Variants in BMP7 observed in about 807,000 individuals in gnomAD.
The protein encoded by BMP7 is osteogenic protein 1.
Under a neutral mutation model 41.2 loss-of-function variants are expected in BMP7, and 12 were observed. The observed-to-expected ratio is 0.29, with a 90% confidence interval of 0.19 to 0.47. The LOEUF (loss-of-function observed/expected upper bound fraction) is 0.47, where lower values mean the gene tolerates loss of function less well. Ranked by LOEUF, BMP7 falls within the 20% of genes least tolerant of loss-of-function variation. The pLI, the probability that BMP7 is intolerant of heterozygous loss-of-function variation, is 0.99. For missense variants in BMP7, 467 were observed against 606.0 expected, an observed-to-expected ratio of 0.77 and a Z score of 2.41; for synonymous variants, 248 against 250.0, an observed-to-expected ratio of 0.99 and a Z score of 0.07.
At chr20:57,195,724 T>C (rs1984476705) in intron 3 of BMP7, among the ~76,000 whole-genome samples, 1 of 152,238 alleles carries the variant, frequency 6.6e-6, no homozygotes, top group South Asian at 2.1e-4. Context: ...GGACAGCACA[T>C]GCCCTTCAAT....
rs2066017432 is a variant in BMP7 at position 57,228,652 on chromosome 20, T to C, written c.419-231A>G. On this transcript the variant is annotated intron_variant, in intron 1 of 6. Transcript: ENST00000395863. This position sits in a 1 kb window ranked among gnomAD's most constrained non-coding sequence, Gnocchi z 4.5. ...TGAACGACAAGAGCATGATTCTGCA[T>C]CCAACCTGCTGGGAAAAGTAGGGCA... Among the ~76,000 whole-genome samples, 1 of 152,150 alleles carries C rather than the reference T, an allele frequency of 6.6e-6. No individual in the cohort carries two copies. The highest frequency in any genetic ancestry group is 1.5e-5 in the Non-Finnish European group (1 of 68,024).
rs1983745446 is a variant in BMP7, at chr20:57,168,868, C to T, written c.*2091G>A. On this transcript the variant is annotated 3_prime_UTR_variant, in exon 7 of 7. Coordinates refer to ENST00000395863, the MANE Select transcript of BMP7 (RefSeq NM_001719.3). The stretch of plus-strand genomic sequence containing the variant: ...AACAGCTGTGAGTACATTGGTCCAA[C>T]CATTAATAAATAGTCTTAAATAAGA... 2 of 150,968 alleles carry T rather than the reference C, an allele frequency of 1.3e-5. No individual in the cohort carries two copies. Among genetic ancestry groups the T allele is most frequent in the South Asian group, 4.2e-4 (2 of 4,770 alleles). The allele number at this position is 150,968 out of a possible 1,614,324, so 9.4% of individuals were successfully genotyped here. A position where few individuals can be genotyped will look rare whatever the true frequency, so the allele number is the denominator to read the frequency against.
At chr20:57,187,880 G>A (rs975681025) in intron 3 of BMP7, among the ~76,000 whole-genome samples, 1 of 152,306 alleles carries the variant, frequency 6.6e-6, no homozygotes, top group East Asian at 1.9e-4. Flanking sequence ...GGAACCTGAC[G>A]TGGAACAGGT....
chr20:57,257,444 T>C (rs2066138157), intron 1 of BMP7, among the ~76,000 whole-genome samples: 1 of 152,310 alleles, frequency 6.6e-6, no homozygotes, highest in East Asian at 1.9e-4. Context: ...AAAATTAAAA[T>C]GATTCATTAG....
chr20:57,243,992 T>G (rs915985834), intron 1 of BMP7: 1 of 152,168 alleles, frequency 6.6e-6, no homozygotes, highest in Non-Finnish European at 1.5e-5. Flanking sequence ...TGCCACTTGC[T>G]GGGGCGCGTC....
At chr20:57,217,494 G>A (rs1985060326) in intron 2 of BMP7, among the ~76,000 whole-genome samples, 1 of 152,220 alleles carries the variant, frequency 6.6e-6, no homozygotes, top group Admixed American at 6.5e-5. Context: ...GACCCCGTGT[G>A]GCTGTGACCC....
Position 57,228,626 on chromosome 20 carries a change from CT to C in BMP7, c.419-206del, listed in dbSNP as rs2066017271. 6.6e-6 allele frequency among the ~76,000 whole-genome samples: 1 copy of C among 152,174 alleles called. No homozygotes were observed. Among genetic ancestry groups the C allele is most frequent in the African/African-American group, 2.4e-5 (1 of 41,436 alleles). Reference sequence around the variant, plus strand: ...AGACCCCATGGTCCCCATGGTCATCCTGAACGACAAGAGCATGATTCTGCAT... The same window carrying C: ...AGACCCCATGGTCCCCATGGTCATCCGAACGACAAGAGCATGATTCTGCAT... On this transcript the variant is annotated intron_variant, in intron 1 of 6. Coordinates refer to ENST00000395863, the MANE Select transcript of BMP7 (RefSeq NM_001719.3). This position sits in a 1 kb window ranked among gnomAD's most constrained non-coding sequence, Gnocchi z 4.5.
Position 57,171,230 on chromosome 20 carries a change from C to T in BMP7, c.1147-122G>A, listed in dbSNP as rs945435585. On this transcript the variant is annotated intron_variant, in intron 6 of 6. Transcript: ENST00000395863. This position sits in a 1 kb window ranked among gnomAD's most constrained non-coding sequence, Gnocchi z 4.5. ...ATGAATGACTGCAGGTGACACTCCC[C>T]AAGCCAAGCACTCCCTGTTCTAAGC... 23 of 1,376,650 alleles carry T rather than the reference C, an allele frequency of 1.7e-5. No individual in the cohort carries two copies. Among genetic ancestry groups the T allele is most frequent in the Non-Finnish European group, 2.1e-5 (21 of 984,768 alleles). 85.3% of individuals were successfully genotyped at this position (1,376,650 alleles called of 1,614,324 possible). A position where few individuals can be genotyped will look rare whatever the true frequency, so the allele number is the denominator to read the frequency against.
intron 3 of BMP7, among the ~76,000 whole-genome samples, chr20:57,189,237 A>G (rs1285396380): frequency 1.3e-5 from 2 of 152,212 alleles, no homozygotes; most frequent in African/African-American, 4.8e-5. Flanking sequence ...GGGCTCTGAA[A>G]ACAATACCTG....
At chr20:57,209,283 A>ATATATATATG (rs1555814067) in intron 2 of BMP7, among the ~76,000 whole-genome samples, 3 of 132,706 alleles carry the variant, frequency 2.3e-5, no homozygotes, top group East Asian at 2.2e-4. Context: ...ATATATATAT[A>ATATATATATG]TATGTATATA....
At chr20:57,178,898 G>A (rs1984001422) in intron 4 of BMP7, among the ~76,000 whole-genome samples, 1 of 152,148 alleles carries the variant, frequency 6.6e-6, no homozygotes, top group South Asian at 2.1e-4. Flanking sequence ...GAGCACAGGA[G>A]AGGCCATGAT....
chr20:57,207,824 T>G (rs1247514553), intron 2 of BMP7, among the ~76,000 whole-genome samples: 2 of 138,486 alleles, frequency 1.4e-5, no homozygotes, highest in Admixed American at 7.2e-5. Context: ...TTTTTTTTTT[T>G]TTTTTTTTTT....
intron 2 of BMP7, among the ~76,000 whole-genome samples, chr20:57,206,085 C>T (rs1440739435): frequency 6.6e-6 from 1 of 152,178 alleles, no homozygotes; most frequent in Non-Finnish European, 1.5e-5. Flanking sequence ...GGGGGAATTT[C>T]TAGCTGCCAC....
chr20:57,192,152 A>ACTATAT (rs1984377572), intron 3 of BMP7, among the ~76,000 whole-genome samples: 1 of 125,012 alleles, frequency 8.0e-6, no homozygotes, highest in Non-Finnish European at 1.6e-5. Flanking sequence ...TATAATATAT[A>ACTATAT]GTTATACATA....
At chr20:57,244,820 C>T (rs2066083469) in intron 1 of BMP7, among the ~76,000 whole-genome samples, 1 of 152,198 alleles carries the variant, frequency 6.6e-6, no homozygotes, top group African/African-American at 2.4e-5. Context: ...GAGGAGCCTG[C>T]TCAGACCTTC....
Position 57,170,930 on chromosome 20 carries a change from G to A in BMP7, c.*29C>T. The A allele has an allele frequency of 6.2e-7, 1 of 1,611,046 alleles. No individual in the cohort carries two copies. Among genetic ancestry groups the A allele is most frequent in the Non-Finnish European group, 8.5e-7 (1 of 1,179,600 alleles). ...GCAATGGAGGATCCAGAAAAACTTG[G>A]CCCCAAAGGGTCTGAATTCTCGGAG... On this transcript the variant is annotated 3_prime_UTR_variant, in exon 7 of 7. Coordinates refer to ENST00000395863, the MANE Select transcript of BMP7 (RefSeq NM_001719.3).
intron 3 of BMP7, among the ~76,000 whole-genome samples, chr20:57,191,574 A>G (rs1984358534): frequency 6.6e-6 from 1 of 151,806 alleles, no homozygotes; most frequent in African/African-American, 2.4e-5. Flanking sequence ...TAAAAACACA[A>G]AGAAAATTAG....
chr20:57,185,415 A>C (rs541061717), intron 3 of BMP7, among the ~76,000 whole-genome samples: 53 of 152,156 alleles, frequency 3.5e-4, no homozygotes, highest in Non-Finnish European at 6.3e-4. Flanking sequence ...AAGGGATTAT[A>C]AAAGGTGTGA....
In BMP7 at chr20:57,215,822, C is replaced by G. The variant is rs1055608667; in HGVS notation, c.611+12407G>C. 1.3e-5 allele frequency: 2 copies of G among 152,176 alleles called. No homozygotes were observed. Among genetic ancestry groups the G allele is most frequent in the African/African-American group, 4.8e-5 (2 of 41,422 alleles). The allele number at this position is 152,176 out of a possible 1,614,324, so 9.4% of individuals were successfully genotyped here. A position where few individuals can be genotyped will look rare whatever the true frequency, so the allele number is the denominator to read the frequency against. ...AAATAGAATGAGGTAAATTCAGCCC[C>G]TTTCCTGAAGCACACTCAAGGAATA... is the stretch of plus-strand genomic sequence containing the variant. On this transcript the variant is annotated intron_variant, in intron 2 of 6. Coordinates refer to ENST00000395863, the MANE Select transcript of BMP7 (RefSeq NM_001719.3). The surrounding 1 kb of genome is among the most constrained non-coding windows in gnomAD (Gnocchi z 4.2).
Sources: gnomAD v4.1 joint callset for allele counts (sites outside exome capture counted in the v4.1 genomes callset) on GRCh38, gnomAD v4.1.1 for gene constraint, Gnocchi (gnomAD v3.1) non-coding constraint, MANE v1.5 for transcripts, NCBI Gene and HGNC (gene_info 2026-07-23, HGNC 2026-07-21) for gene names.